The following RAB37 variants were observed in gnomAD, a reference collection of about 807,000 sequenced individuals.
RAB37 encodes the protein RAB37, member RAS oncogene family.
RAB37 carries 29 observed loss-of-function variants against 33.1 expected under a neutral mutation model. The ratio of observed to expected loss-of-function variants is 0.88; its 90% CI spans 0.65 to 1.20. The LOEUF (loss-of-function observed/expected upper bound fraction) is 1.20. Ranked by LOEUF, RAB37 falls within the 50% of genes most tolerant of loss-of-function variation. RAB37 has a pLI of 0.00. For synonymous variants in RAB37, 128 were observed against 119.5 expected, an observed-to-expected ratio of 1.07 and a Z score of -0.47; for missense variants, 299 against 301.1, an observed-to-expected ratio of 0.99 and a Z score of 0.05.
Position 74,743,059 on chromosome 17 carries a change from G to A in RAB37, c.247-70G>A, listed in dbSNP as rs114222347. On this transcript the variant is annotated intron_variant, in intron 3 of 8. Transcript: ENST00000392613. The stretch of plus-strand genomic sequence containing the variant: ...ACAGATATCTCATACAACAAAGCAG[G>A]CCTGCTCCACCCAGCACATTCCTTG... 2.0e-3 allele frequency: 2,807 copies of A among 1,405,766 alleles called. 36 individuals are homozygous for A. The African/African-American group carries it at 0.034, about 17-fold the overall frequency. 87.1% of individuals were successfully genotyped at this position (1,405,766 alleles called of 1,614,324 possible).
intron 1 of RAB37, among the ~76,000 whole-genome samples, chr17:74,675,255 T>C (rs1268045549): frequency 1.3e-5 from 2 of 151,870 alleles, no homozygotes; most frequent in East Asian, 3.9e-4. Flanking sequence ...GCCAACATGG[T>C]GAAACCCCAT....
At position 74,745,498 on chromosome 17, in the gene RAB37, C is replaced by A; in HGVS notation, c.*87C>A. On this transcript the variant is annotated 3_prime_UTR_variant, in exon 9 of 9. Transcript: ENST00000392613. This position sits in a 1 kb window ranked among gnomAD's most constrained non-coding sequence, Gnocchi z 4.5. ...CCTGGCTTATTCCAAGAGGCTGAGC[C>A]AATGGGGAGAAAGATGGAGGACTCA... 4 of 1,092,842 alleles carry A rather than the reference C, an allele frequency of 3.7e-6. No homozygotes were observed. Among genetic ancestry groups the A allele is most frequent in the South Asian group, 1.3e-5 (1 of 76,062 alleles). 67.7% of individuals were successfully genotyped at this position (1,092,842 alleles called of 1,614,324 possible).
At chr17:74,709,614 C>T (rs746904346) in intron 1 of RAB37, among the ~76,000 whole-genome samples, 2 of 151,986 alleles carry the variant, frequency 1.3e-5, no homozygotes, top group African/African-American at 2.4e-5. Context: ...TCACCCAGGC[C>T]GGAGTGCACT....
chr17:74,739,459 A>C (rs1435058900), intron 1 of RAB37, among the ~76,000 whole-genome samples: 4 of 152,066 alleles, frequency 2.6e-5, no homozygotes, highest in Admixed American at 6.5e-5. Flanking sequence ...GTTTCTGCTG[A>C]AAGAACTTCC....
chr17:74,698,170 C>T (rs111636849), intron 1 of RAB37, among the ~76,000 whole-genome samples: 18 of 152,302 alleles, frequency 1.2e-4, no homozygotes, highest in African/African-American at 3.8e-4. Context: ...GGGCAGGCGG[C>T]GAATGCCAAA....
At chr17:74,702,584 A>G (rs1433781600) in intron 1 of RAB37, among the ~76,000 whole-genome samples, 1 of 152,192 alleles carries the variant, frequency 6.6e-6, no homozygotes, top group Non-Finnish European at 1.5e-5. Flanking sequence ...GGACTTCCCC[A>G]AGCCCTCCTT....
intron 1 of RAB37, among the ~76,000 whole-genome samples, chr17:74,681,407 G>A (rs1338750732): frequency 6.6e-6 from 1 of 152,256 alleles, no homozygotes; most frequent in Non-Finnish European, 1.5e-5. Flanking sequence ...AAGAAAGGAA[G>A]AGACTCCTGT....
In RAB37 at chr17:74,713,315, C is replaced by CAA. The variant is rs1163915122; in HGVS notation, c.73-15925_73-15924dup. Among the ~76,000 whole-genome samples, 29 of 61,082 alleles carry CAA rather than the reference C, an allele frequency of 4.7e-4. No homozygotes were observed. The East Asian group carries it at 6.9e-3, about 15-fold the overall frequency. 40.1% of individuals were successfully genotyped at this position (61,082 alleles called of 152,430 possible). A position where few individuals can be genotyped will look rare whatever the true frequency, so the allele number is the denominator to read the frequency against. On this transcript the variant is annotated intron_variant, in intron 1 of 7. Transcript: ENST00000340415. Reference sequence around the variant, plus strand: ...AACAAGACTCTGTCTCAAACAAAAACAAAAAAAAAAAAAAAAAGAGGAAGG... The same window carrying CAA: ...AACAAGACTCTGTCTCAAACAAAAACAAAAAAAAAAAAAAAAAAAGAGGAAGG...
At chr17:74,726,019 G>A (rs1283498682) in intron 1 of RAB37, among the ~76,000 whole-genome samples, 3 of 151,960 alleles carry the variant, frequency 2.0e-5, no homozygotes, top group Non-Finnish European at 4.4e-5. Context: ...GGTGGATCAC[G>A]AGGTCAGGAG....
chr17:74,685,723 C>T (rs2032040546), intron 1 of RAB37, among the ~76,000 whole-genome samples: 1 of 152,150 alleles, frequency 6.6e-6, no homozygotes, highest in Non-Finnish European at 1.5e-5. Flanking sequence ...CTGGAAGCTC[C>T]CCCAAACCCC....
intron 2 of RAB37, among the ~76,000 whole-genome samples, chr17:74,731,453 A>C (rs948523715): frequency 2.0e-5 from 3 of 152,190 alleles, no homozygotes; most frequent in Non-Finnish European, 4.4e-5. Context: ...TACCAGGCCC[A>C]TCGCCTTCTG....
rs556855889 is a variant in RAB37, at chr17:74,718,518, C to A, written c.73-10738C>A. Among the ~76,000 whole-genome samples the A allele has an allele frequency of 5.6e-4, 85 of 152,218 alleles. 2 individuals are homozygous for A. The South Asian group carries it at 0.017, about 30-fold the overall frequency. ...AGAGCTGCAATTGAGGCTCCCCCTG[C>A]CTAGAAAATTTGATCTTGTTTTTAA... On this transcript the variant is annotated intron_variant, in intron 1 of 7. Coordinates refer to the RAB37 transcript ENST00000340415.
In RAB37 at chr17:74,744,875, G is replaced by C; in HGVS notation, c.435G>C (p.Ala145=). ...AGTGACCCATTTGGGCTTGACAGGC[G>C]GATATGAGCAGCGAAAGAGTGATCC... ...DVVIMLLGNK[A]DMSSERVIRS... Residue 145 remains alanine (A), a splice_region_variant and synonymous_variant, in exon 7 of 9, where the codon GCG becomes GCC. Transcript: ENST00000392613. The surrounding 1 kb of genome is among the most constrained non-coding windows in gnomAD (Gnocchi z 4.2). The C allele has an allele frequency of 6.2e-7, 1 of 1,614,274 alleles. No individual in the cohort carries two copies. The highest frequency in any genetic ancestry group is 8.5e-7 in the Non-Finnish European group (1 of 1,180,046).
In RAB37 at chr17:74,742,191, G is replaced by A. The variant is rs1028728617; in HGVS notation, c.205-63G>A. On this transcript the variant is annotated intron_variant, in intron 2 of 8. Transcript: ENST00000392613. This position sits in a 1 kb window ranked among gnomAD's most constrained non-coding sequence, Gnocchi z 4.0. ...GCCTGGAGAGGGAACAAGACAGGAC[G>A]TCTGCAGAGCTGAGGAGCCACATGA... 4.5e-5 allele frequency: 72 copies of A among 1,590,680 alleles called. 1 individual carries two copies. Among genetic ancestry groups the A allele is most frequent in the South Asian group, 3.2e-4 (28 of 87,718 alleles).
upstream of RAB37, chr17:74,736,548 G>C: frequency 6.8e-7 from 1 of 1,469,044 alleles, no homozygotes; most frequent in Non-Finnish European, 9.0e-7. Context: ...GGCCGGCCCC[G>C]CCTTCAGGAG....
At chr17:74,736,519 G>C, upstream of RAB37, 1 of 1,436,096 alleles carries the variant, frequency 7.0e-7, no homozygotes, top group Non-Finnish European at 9.1e-7. Flanking sequence ...GGGCCAGGGT[G>C]AGTGTCATGG....
intron 1 of RAB37, chr17:74,705,240 G>A: frequency 2.8e-6 from 2 of 702,372 alleles, no homozygotes; most frequent in African/African-American, 1.7e-5. Context: ...ATGAGGTCGA[G>A]CTGAGGCAGC....
In RAB37 at chr17:74,742,681, A is replaced by G. The variant is rs1418398336; in HGVS notation, c.246+386A>G. Among the ~76,000 whole-genome samples, 1 of 149,882 alleles carries G rather than the reference A, an allele frequency of 6.7e-6. No homozygotes were observed. The highest frequency in any genetic ancestry group is 1.5e-5 in the Non-Finnish European group (1 of 67,664). ...CGCTCTGTCGCCCAGGCTGGAGTGCAGTGGCACAATCTCGGCTCACTGCAA... is the reference window on the plus strand; with the variant it reads ...CGCTCTGTCGCCCAGGCTGGAGTGCGGTGGCACAATCTCGGCTCACTGCAA... On this transcript the variant is annotated intron_variant, in intron 3 of 8. Coordinates refer to ENST00000392613, the MANE Select transcript of RAB37 (RefSeq NM_001006638.3). The surrounding 1 kb of genome is among the most constrained non-coding windows in gnomAD (Gnocchi z 4.0).
chr17:74,728,268 C>T (rs2144026482), intron 1 of RAB37, among the ~76,000 whole-genome samples: 1 of 151,322 alleles, frequency 6.6e-6, no homozygotes, highest in Non-Finnish European at 1.5e-5. Flanking sequence ...ACATGTGTTT[C>T]CACATGTCTG....
Sources: gnomAD v4.1 joint callset for allele counts (sites outside exome capture counted in the v4.1 genomes callset) on GRCh38, gnomAD v4.1.1 for gene constraint, Gnocchi (gnomAD v3.1) non-coding constraint, MANE v1.5 for transcripts, NCBI Gene and HGNC (gene_info 2026-07-23, HGNC 2026-07-21) for gene names.